The following AP3S2 variants were observed in gnomAD, a reference collection of about 807,000 sequenced individuals.
The protein encoded by AP3S2 is adaptor related protein complex 3 subunit sigma 2, also known as AP-3 complex subunit sigma-2.
A neutral mutation model predicts 23.4 loss-of-function variants in AP3S2; 22 were observed. The observed-to-expected ratio is 0.94, with a 90% confidence interval of 0.67 to 1.34. The LOEUF is 1.34. Among genes scored for constraint, AP3S2 ranks in the 40% most tolerant of loss-of-function variants. The pLI is 0.00. For synonymous variants in AP3S2, 86 were observed against 87.1 expected (o/e 0.99, Z 0.07); for missense variants, 241 against 236.9 (o/e 1.02, Z -0.11).
intron 4 of AP3S2, among the ~76,000 whole-genome samples, chr15:89,843,762 C>T (rs950092983): frequency 1.6e-4 from 25 of 152,138 alleles, no homozygotes; most frequent in African/African-American, 4.3e-4. Context: ...GAGCCAAGAT[C>T]GTGCCACTGC....
chr15:89,836,899 G>A (rs1164824111), intron 5 of AP3S2, among the ~76,000 whole-genome samples: 1 of 152,154 alleles, frequency 6.6e-6, no homozygotes, highest in African/African-American at 2.4e-5. Context: ...ATCAAGTTCC[G>A]TATACAAGGC....
At chr15:89,842,678 T>C (rs1220011259) in intron 4 of AP3S2, among the ~76,000 whole-genome samples, 2 of 152,246 alleles carry the variant, frequency 1.3e-5, no homozygotes, top group Non-Finnish European at 2.9e-5. Flanking sequence ...AGTGGCGCGA[T>C]CTCGGCTCAG....
rs150585954 is a variant in AP3S2 at position 89,842,304 on chromosome 15, G to C, written c.346-4582C>G. On this transcript the variant is annotated intron_variant, in intron 4 of 5. Transcript: ENST00000336418. Reference sequence around the variant, plus strand: ...TTTGCATAAAAGAAAACTTTAACATGAATGGGAAAAATATGTAAAGATATG... The same window carrying C: ...TTTGCATAAAAGAAAACTTTAACATCAATGGGAAAAATATGTAAAGATATG... Among the ~76,000 whole-genome samples, 99 of 152,256 alleles carry C rather than the reference G, an allele frequency of 6.5e-4. No individual in the cohort carries two copies. The South Asian group carries it at 0.012, about 19-fold the overall frequency.
intron 1 of AP3S2, among the ~76,000 whole-genome samples, chr15:89,892,291 G>A (rs1358003164): frequency 6.6e-6 from 1 of 152,186 alleles, no homozygotes. Flanking sequence ...TCTTTTTGGG[G>A]TGATGAAAAT....
chr15:89,873,603 C>T lies in AP3S2; in HGVS notation c.274-2057G>A, dbSNP rs147583379. ...CCCGGCCTCTGTCTTATTTTCTCAT[C>T]TTTTCTCTCCCATTTTCCATCTCTG... On this transcript the variant is annotated intron_variant, in intron 3 of 5. Coordinates refer to ENST00000336418, the MANE Select transcript of AP3S2 (RefSeq NM_005829.5). Among the ~76,000 whole-genome samples the T allele has an allele frequency of 2.4e-3, 358 of 152,136 alleles. 2 individuals carry two copies. Among genetic ancestry groups the T allele is most frequent in the African/African-American group, 7.5e-3 (311 of 41,516 alleles).
In AP3S2 at chr15:89,866,489, T is replaced by G. The variant is rs560678653; in HGVS notation, c.345+4986A>C. 5.1e-3 allele frequency among the ~76,000 whole-genome samples: 736 copies of G among 145,280 alleles called. 3 individuals are homozygous for G. The highest frequency in any genetic ancestry group is 0.017 in the African/African-American group (677 of 39,670). ...AGCTGGCATTCCCAGACAACTTCCT[T>G]TTTTTTTTTTTTTGAAATGGAGTTT... On this transcript the variant is annotated intron_variant, in intron 4 of 5. Coordinates refer to ENST00000336418, the MANE Select transcript of AP3S2 (RefSeq NM_005829.5).
chr15:89,867,238 C>T (rs1272166108), intron 4 of AP3S2, among the ~76,000 whole-genome samples: 2 of 149,818 alleles, frequency 1.3e-5, no homozygotes, highest in Non-Finnish European at 3.0e-5. Context: ...GGTCTCCAGC[C>T]CCTAACCGCG....
chr15:89,848,466 T>C (rs558355872), intron 4 of AP3S2: 5 of 152,388 alleles, frequency 3.3e-5, no homozygotes, highest in African/African-American at 7.2e-5. Flanking sequence ...GTTCATGCCA[T>C]TCTCCTGCCT....
intron 3 of AP3S2, chr15:89,876,769 A>T (rs753409706): frequency 6.5e-6 from 1 of 153,304 alleles, no homozygotes. Flanking sequence ...TTGGGAAAAA[A>T]TTTTTTAAAA....
At chr15:89,858,514 AGAGAGAGAG>A in intron 4 of AP3S2, among the ~76,000 whole-genome samples, 2 of 49,822 alleles carry the variant, frequency 4.0e-5, no homozygotes, top group African/African-American at 6.7e-5. Context: ...AGAGAGAGAG[AGAGAGAGAG>A]AGAAAGAAAG....
intron 3 of AP3S2, among the ~76,000 whole-genome samples, chr15:89,872,501 A>G (rs191536281): frequency 2.0e-5 from 3 of 152,336 alleles, no homozygotes; most frequent in African/African-American, 7.2e-5. Context: ...ACACCATGTA[A>G]CTACAACCTA....
At position 89,837,829 on chromosome 15, in the gene AP3S2, C is replaced by G. The variant is rs926204759; in HGVS notation, c.346-107G>C. 5.3e-6 allele frequency: 7 copies of G among 1,332,984 alleles called. 1 individual carries two copies. The highest frequency in any genetic ancestry group is 5.2e-6 in the Non-Finnish European group (5 of 964,968). 82.6% of individuals were successfully genotyped at this position (1,332,984 alleles called of 1,614,324 possible). Reference sequence around the variant, plus strand: ...AGCAGAGTGGTCAGATATGACCTGTCCTGACTCACAACTCAGACACTCAAA... The same window carrying G: ...AGCAGAGTGGTCAGATATGACCTGTGCTGACTCACAACTCAGACACTCAAA... On this transcript the variant is annotated intron_variant, in intron 4 of 5. Coordinates refer to ENST00000336418, the MANE Select transcript of AP3S2 (RefSeq NM_005829.5).
In AP3S2 at chr15:89,880,050, T is replaced by C. The variant is rs1433937901; in HGVS notation, c.273+8471A>G. On this transcript the variant is annotated intron_variant, in intron 3 of 5. Transcript: ENST00000336418. ...AGATTTTAGAGTTATTAGAATGTGATAAAATGTGCATCTTAGGATATATAA... is the reference window on the plus strand; with the variant it reads ...AGATTTTAGAGTTATTAGAATGTGACAAAATGTGCATCTTAGGATATATAA... Among the ~76,000 whole-genome samples, 3 of 151,002 alleles carry C rather than the reference T, an allele frequency of 2.0e-5. No individual in the cohort carries two copies. The East Asian group carries it at 5.9e-4, about 30-fold the overall frequency.
At chr15:89,840,547 C>T (rs1414452303) in intron 4 of AP3S2, among the ~76,000 whole-genome samples, 2 of 152,104 alleles carry the variant, frequency 1.3e-5, no homozygotes, top group Non-Finnish European at 2.9e-5. Context: ...CCCAACTCAG[C>T]CTCCTGAGTA....
chr15:89,892,742 C>T (rs920163884), intron 1 of AP3S2, among the ~76,000 whole-genome samples: 12 of 152,210 alleles, frequency 7.9e-5, no homozygotes, highest in African/African-American at 2.9e-4. Context: ...TGGCTCACTG[C>T]AAGCTCCGCC....
chr15:89,842,636 C>T (rs7174644), intron 4 of AP3S2, among the ~76,000 whole-genome samples: 106,822 of 152,126 alleles, frequency 0.7, 37,791 homozygotes, highest in East Asian at 0.8. Flanking sequence ...ATTTTTGAGA[C>T]GGAGTCTCGC....
intron 4 of AP3S2, chr15:89,848,562 G>A (rs1289840676): frequency 6.6e-6 from 1 of 152,392 alleles, no homozygotes; most frequent in Non-Finnish European, 1.5e-5. Flanking sequence ...GGGTTTCACC[G>A]TGTTAGCCAG....
intron 3 of AP3S2, among the ~76,000 whole-genome samples, chr15:89,875,463 AAC>A (rs1896420505): frequency 6.6e-6 from 1 of 152,176 alleles, no homozygotes; most frequent in African/African-American, 2.4e-5. Flanking sequence ...GAAGGACGAA[AAC>A]ACAAAGCGCA....
At chr15:89,893,607 C>A in intron 1 of AP3S2, 273 of 461,476 alleles carry the variant, frequency 5.9e-4, no homozygotes, top group Middle Eastern at 2.4e-3. Flanking sequence ...TCGCTTCTAT[C>A]TCGTTCCCAG....
Sources: allele counts gnomAD v4.1 joint callset (sites outside exome capture counted in the v4.1 genomes callset), GRCh38; gene constraint gnomAD v4.1.1; transcripts MANE v1.5; gene names NCBI Gene and HGNC (gene_info 2026-07-23, HGNC 2026-07-21).